The following ZFP14 variants were observed in gnomAD, a reference collection of about 807,000 sequenced individuals.
ZFP14 encodes zinc finger protein 14 homolog.
ZFP14 carries 22 observed loss-of-function variants against 54.5 expected under a neutral mutation model. That is an observed-to-expected ratio of 0.40 (90% CI 0.29 to 0.58). The LOEUF (loss-of-function observed/expected upper bound fraction) is 0.58. Ranked by LOEUF, ZFP14 falls within the 20% of genes least tolerant of loss-of-function variation. ZFP14 has a pLI of 0.39. For missense variants in ZFP14, 470 were observed against 637.8 expected, an observed-to-expected ratio of 0.74 and a Z score of 2.83; for synonymous variants, 159 against 204.0, an observed-to-expected ratio of 0.78 and a Z score of 1.88.
At chr19:36,347,228 C>T (rs560692664) in intron 4 of ZFP14, among the ~76,000 whole-genome samples, 1 of 152,268 alleles carries the variant, frequency 6.6e-6, no homozygotes, top group Admixed American at 6.5e-5. Flanking sequence ...TAGTTCTTGA[C>T]ACATGTAAAT....
Position 36,350,539 on chromosome 19 carries a change from T to G in ZFP14, c.236-8949A>C, listed in dbSNP as rs1158076596. Among the ~76,000 whole-genome samples, 5 of 140,646 alleles carry G rather than the reference T, an allele frequency of 3.6e-5. 2 individuals carry two copies. Among genetic ancestry groups the G allele is most frequent in the Non-Finnish European group, 7.8e-5 (5 of 63,756 alleles). The allele number at this position is 140,646 out of a possible 152,430, so 92.3% of individuals were successfully genotyped here. A position where few individuals can be genotyped will look rare whatever the true frequency, so the allele number is the denominator to read the frequency against. On this transcript the variant is annotated intron_variant, in intron 4 of 4. Transcript: ENST00000270001. ...TCACTTGAGCCCAGGAGGGTGAGGC[T>G]GCCGTGAGCTGAAATCATGCCACTG...
intron 1 of ZFP14, among the ~76,000 whole-genome samples, chr19:36,377,445 G>T (rs1480963513): frequency 6.6e-6 from 1 of 151,860 alleles, no homozygotes; most frequent in African/African-American, 2.4e-5. Flanking sequence ...TACTCAAGAG[G>T]CTGAGGTGGA....
chr19:36,362,089 T>G, intron 3 of ZFP14, 23 bp downstream of exon 3: 1 of 1,575,458 alleles, frequency 6.3e-7, no homozygotes, highest in Admixed American at 2.0e-5. Flanking sequence ...AAAGCTAATA[T>G]CATTTGGGAT....
intron 4 of ZFP14, among the ~76,000 whole-genome samples, chr19:36,342,154 G>A (rs1205991304): frequency 2.0e-5 from 3 of 147,208 alleles, no homozygotes; most frequent in East Asian, 2.0e-4. Flanking sequence ...TGCGCCCGGC[G>A]AGGACCACTT....
chr19:36,376,489 G>A (rs977144519), intron 1 of ZFP14, among the ~76,000 whole-genome samples: 5 of 151,670 alleles, frequency 3.3e-5, no homozygotes, highest in Admixed American at 6.6e-5. Flanking sequence ...TGGCTGCAGT[G>A]AGCCAAGATC....
intron 1 of ZFP14, among the ~76,000 whole-genome samples, chr19:36,374,500 A>AC (rs1390671774): frequency 6.6e-6 from 1 of 151,834 alleles, no homozygotes; most frequent in East Asian, 1.9e-4. Context: ...AAAAAAAAAA[A>AC]AAAAAAAGAA....
intron 4 of ZFP14, among the ~76,000 whole-genome samples, chr19:36,353,438 C>T (rs778266794): frequency 2.8e-5 from 4 of 142,650 alleles, no homozygotes; most frequent in Non-Finnish European, 4.7e-5. Context: ...TGGTGGCTCA[C>T]GCCTGTAATT....
At chr19:36,367,530 G>C (rs1186711827) in intron 2 of ZFP14, among the ~76,000 whole-genome samples, 1 of 152,132 alleles carries the variant, frequency 6.6e-6, no homozygotes, top group African/African-American at 2.4e-5. Flanking sequence ...GCCCCAGCTG[G>C]AGTGCAGTAA....
chr19:36,372,557 A>G (rs1375588068), intron 1 of ZFP14, among the ~76,000 whole-genome samples: 1 of 152,232 alleles, frequency 6.6e-6, no homozygotes, highest in African/African-American at 2.4e-5. Context: ...ATGAAGAAAT[A>G]AAAAATCTGA....
chr19:36,369,706 C>T (rs757322927), intron 1 of ZFP14, among the ~76,000 whole-genome samples: 2 of 152,160 alleles, frequency 1.3e-5, no homozygotes, highest in Non-Finnish European at 2.9e-5. Flanking sequence ...CCACCACACC[C>T]AGCCTAAAAG....
In ZFP14 at chr19:36,337,208, T is replaced by A. The variant is rs1358987097; in HGVS notation, c.*3016A>T. Reference sequence around the variant, plus strand: ...ACTGAATTTAGTTGATATGTCTCTTTAAGTCTCTTTTAATCTGTTAATGGT... The same window carrying A: ...ACTGAATTTAGTTGATATGTCTCTTAAAGTCTCTTTTAATCTGTTAATGGT... On this transcript the variant is annotated 3_prime_UTR_variant, in exon 5 of 5. Coordinates refer to ENST00000270001, the MANE Select transcript of ZFP14 (RefSeq NM_020917.3). 1 of 152,216 alleles carries A rather than the reference T, an allele frequency of 6.6e-6. No individual in the cohort carries two copies. Among genetic ancestry groups the A allele is most frequent in the East Asian group, 1.9e-4 (1 of 5,196 alleles). 9.4% of individuals were successfully genotyped at this position (152,216 alleles called of 1,614,324 possible). A position where few individuals can be genotyped will look rare whatever the true frequency, so the allele number is the denominator to read the frequency against.
In ZFP14 at chr19:36,334,587, G is replaced by T. The variant is rs1287288722; in HGVS notation, c.*5637C>A. ...GGAATCTTTTCCATTCTATAGAAAA[G>T]CACTAACCATCCATTAAAGCAGGTA... On this transcript the variant is annotated 3_prime_UTR_variant, in exon 5 of 5. Coordinates refer to ENST00000270001, the MANE Select transcript of ZFP14 (RefSeq NM_020917.3). 6.6e-6 allele frequency: 1 copy of T among 152,046 alleles called. No individual in the cohort carries two copies. Among genetic ancestry groups the T allele is most frequent in the Non-Finnish European group, 1.5e-5 (1 of 68,014 alleles). 9.4% of individuals were successfully genotyped at this position (152,046 alleles called of 1,614,324 possible).
chr19:36,374,333 T>C (rs1390386476), intron 1 of ZFP14, among the ~76,000 whole-genome samples: 1 of 151,856 alleles, frequency 6.6e-6, no homozygotes, highest in African/African-American at 2.4e-5. Flanking sequence ...TCTACAAAAA[T>C]ACAAAAATTA....
chr19:36,335,392 T>C lies in ZFP14; in HGVS notation c.*4832A>G, dbSNP rs2031173126. The C allele has an allele frequency of 6.6e-6, 1 of 152,150 alleles. No individual in the cohort carries two copies. Among genetic ancestry groups the C allele is most frequent in the South Asian group, 2.1e-4 (1 of 4,830 alleles). 9.4% of individuals were successfully genotyped at this position (152,150 alleles called of 1,614,324 possible). ...GTAATAAATTCTAAATAAACTTTAT[T>C]TAGAATTGTGAAAAATAGAATCTTC... On this transcript the variant is annotated 3_prime_UTR_variant, in exon 5 of 5. Coordinates refer to ENST00000270001, the MANE Select transcript of ZFP14 (RefSeq NM_020917.3).
rs1264418441 is a variant in ZFP14 at position 36,341,543 on chromosome 19, T to C, written c.283A>G (p.Ile95Val). Residue 95 changes from isoleucine (I) to valine (V), a missense_variant, in exon 5 of 5, where the codon ATT becomes GTT. Coordinates refer to ENST00000270001, the MANE Select transcript of ZFP14 (RefSeq NM_020917.3). This position sits in a 1 kb window ranked among gnomAD's most constrained non-coding sequence, Gnocchi z 4.2. ...CACTGAAATGAATATATTTCATAAA[T>C]GTCCTTTTCTGGAGATAAAGTATTG... ...RTNTLSPEKD[I>V]YEIYSFQWDI... 6.2e-7 allele frequency: 1 copy of C among 1,600,148 alleles called. No individual in the cohort carries two copies. The highest frequency in any genetic ancestry group is 8.5e-7 in the Non-Finnish European group (1 of 1,175,718).
At chr19:36,347,558 G>A (rs566429656) in intron 4 of ZFP14, among the ~76,000 whole-genome samples, 98 of 151,884 alleles carry the variant, frequency 6.5e-4, no homozygotes, top group African/African-American at 1.7e-3. Context: ...GCAATGAGCC[G>A]AGATCACGCC....
intron 4 of ZFP14, among the ~76,000 whole-genome samples, chr19:36,344,856 C>T (rs1386564535): frequency 1.3e-5 from 2 of 152,206 alleles, no homozygotes; most frequent in Non-Finnish European, 2.9e-5. Flanking sequence ...TTGTCTTCCA[C>T]AAAACTGGTC....
At chr19:36,375,326 A>G (rs144116641) in intron 1 of ZFP14, among the ~76,000 whole-genome samples, 148 of 152,230 alleles carry the variant, frequency 9.7e-4, no homozygotes, top group African/African-American at 3.3e-3. Flanking sequence ...AGTGTGTGCC[A>G]TCATGAGATT....
rs913380163 is a variant in ZFP14 at position 36,354,921 on chromosome 19, T to G, written c.235+5514A>C. Reference sequence around the variant, plus strand: ...CCTGGCCTCAAGTGATCCTCCCACCTCAGCCTCTCAAAGTGCTGGGATTAC... The same window carrying G: ...CCTGGCCTCAAGTGATCCTCCCACCGCAGCCTCTCAAAGTGCTGGGATTAC... On this transcript the variant is annotated intron_variant, in intron 4 of 4. Transcript: ENST00000270001. Among the ~76,000 whole-genome samples, 7 of 143,378 alleles carry G rather than the reference T, an allele frequency of 4.9e-5. 1 individual carries two copies. Among genetic ancestry groups the G allele is most frequent in the African/African-American group, 1.8e-4 (7 of 39,116 alleles). 94.1% of individuals were successfully genotyped at this position (143,378 alleles called of 152,430 possible).
Sources: allele counts gnomAD v4.1 joint callset (sites outside exome capture counted in the v4.1 genomes callset), GRCh38; gene constraint gnomAD v4.1.1; non-coding constraint Gnocchi (gnomAD v3.1); transcripts MANE v1.5; gene names NCBI Gene and HGNC (gene_info 2026-07-23, HGNC 2026-07-21).